Variants in FBXL22 observed in about 807,000 individuals in gnomAD.
The protein encoded by FBXL22 is F-box and leucine rich repeat protein 22, also known as F-box and leucine-rich protein 22.
A neutral mutation model predicts 11.7 loss-of-function variants in FBXL22; 13 were observed. The observed-to-expected ratio is 1.11, with a 90% CI of 0.73 to 1.77. The LOEUF is 1.77. Among genes scored for constraint, FBXL22 ranks in the 40% most tolerant of loss-of-function variants. FBXL22 has a pLI of 0.00. For synonymous variants in FBXL22, 160 were observed against 144.1 expected (o/e 1.11, Z -0.79); for missense variants, 406 against 320.4 (o/e 1.27, Z -2.04).
chr15:63,605,394 T>C (rs2067408280), downstream of FBXL22, among the ~76,000 whole-genome samples: 9 of 152,280 alleles, frequency 5.9e-5, no homozygotes, highest in South Asian at 1.9e-3. Flanking sequence ...GGTATCCTCA[T>C]ATCCTTGGGG....
At chr15:63,606,740 C>T (rs1013882060), downstream of FBXL22, among the ~76,000 whole-genome samples, 6 of 152,044 alleles carry the variant, frequency 3.9e-5, no homozygotes, top group Non-Finnish European at 7.4e-5. Context: ...TTTCTGGCAA[C>T]GAAACAGTGT....
chr15:63,601,135 T>C lies in FBXL22; in HGVS notation c.*96T>C. 1.2e-5 allele frequency: 17 copies of C among 1,363,642 alleles called. No individual in the cohort carries two copies. Among genetic ancestry groups the C allele is most frequent in the Non-Finnish European group, 1.6e-5 (17 of 1,062,174 alleles). The allele number at this position is 1,363,642 out of a possible 1,614,324, so 84.5% of individuals were successfully genotyped here. ...CCACCTTCAGACCACCACCGCATATTCTGAGCCTCATTTTCCCCGTCTGCA... is the reference window on the plus strand; with the variant it reads ...CCACCTTCAGACCACCACCGCATATCCTGAGCCTCATTTTCCCCGTCTGCA... On this transcript the variant is annotated 3_prime_UTR_variant, in exon 2 of 2. Transcript: ENST00000638704.
chr15:63,598,878 G>A (rs1457776477), intron 1 of FBXL22, among the ~76,000 whole-genome samples: 1 of 152,192 alleles, frequency 6.6e-6, no homozygotes, highest in Non-Finnish European at 1.5e-5. Flanking sequence ...TTGGGGGGAG[G>A]CGAATGGCAC....
chr15:63,606,443 AAACAACTGCC>A (rs762862775), downstream of FBXL22, among the ~76,000 whole-genome samples: 16 of 152,240 alleles, frequency 1.1e-4, no homozygotes, highest in Non-Finnish European at 1.8e-4. Flanking sequence ...TGAGGCCAGC[AAACAACTGCC>A]TAAGCCTCTC....
chr15:63,599,155 G>A (rs1271578109), intron 1 of FBXL22: 17 of 1,487,816 alleles, frequency 1.1e-5, no homozygotes, highest in Admixed American at 2.0e-5. Context: ...ATCCAACAGG[G>A]TAAGAGGATT....
intron 1 of FBXL22, among the ~76,000 whole-genome samples, chr15:63,598,581 G>C (rs1403123777): frequency 6.6e-6 from 1 of 152,184 alleles, no homozygotes; most frequent in African/African-American, 2.4e-5. Context: ...GCTTCTGCCA[G>C]TCCCGTGCTG....
chr15:63,601,480 G>A (rs1566930107), downstream of FBXL22: 15 of 1,554,762 alleles, frequency 9.6e-6, no homozygotes, highest in Non-Finnish European at 1.2e-5. Flanking sequence ...CCTCCGGGCG[G>A]AGCGACCCAG....
downstream of FBXL22, among the ~76,000 whole-genome samples, chr15:63,604,156 G>T (rs1373605455): frequency 6.6e-6 from 1 of 152,084 alleles, no homozygotes; most frequent in African/African-American, 2.4e-5. Context: ...TCACTTTCTA[G>T]CTCTGTGACC....
Position 63,600,744 on chromosome 15 carries a change from C to G in FBXL22, c.401C>G (p.Thr134Ser). The G allele has an allele frequency of 8.1e-7, 1 of 1,231,498 alleles. No homozygotes were observed. Among genetic ancestry groups the G allele is most frequent in the South Asian group, 4.1e-5 (1 of 24,320 alleles). 76.3% of individuals were successfully genotyped at this position (1,231,498 alleles called of 1,614,324 possible). Reference sequence around the variant, plus strand: ...ACGCTCTCGGGCTGCGGCCACGTTACCGACGACTGCCTGGCGCGCCTGCTG... The same window carrying G: ...ACGCTCTCGGGCTGCGGCCACGTTAGCGACGACTGCCTGGCGCGCCTGCTG... ...SVTLSGCGHV[T>S]DDCLARLLRC... The change falls in exon 2 of 2, where the codon ACC (threonine) becomes AGC (serine). Residue 134 changes from threonine to serine, a missense_variant. Physicochemically the swap from Thr to Ser is moderately conservative, Grantham distance 58. Transcript: ENST00000638704.
chr15:63,601,336 GCACCGTCCTC>G, downstream of FBXL22: 1 of 1,602,336 alleles, frequency 6.2e-7, no homozygotes, highest in South Asian at 1.1e-5. Context: ...GGAGGCGCCT[GCACCGTCCTC>G]GGGGACTCCG....
Position 63,597,608 on chromosome 15 carries a change from C to A in FBXL22, c.216C>A (p.Arg72=), listed in dbSNP as rs1356831037. 6.2e-7 allele frequency: 1 copy of A among 1,613,844 alleles called. No individual in the cohort carries two copies. The highest frequency in any genetic ancestry group is 2.2e-5 in the East Asian group (1 of 44,890). ...ACTTCCTCCTGGGCCCGGCACTCCG[C>A]AGCCTCTCCATCTGCTGGCACTCCA... ...KDNFLLGPAL[R]SLSICWHSSR... is the part of the protein sequence containing the mutation. The change falls in exon 1 of 2, where the codon CGC becomes CGA. Residue 72 remains arginine (R), a synonymous_variant. Coordinates refer to ENST00000638704, the MANE Select transcript of FBXL22 (RefSeq NM_001367807.1). This position sits in a 1 kb window ranked among gnomAD's most constrained non-coding sequence, Gnocchi z 4.3.
At chr15:63,603,825 T>C (rs1405328139), downstream of FBXL22, among the ~76,000 whole-genome samples, 1 of 152,132 alleles carries the variant, frequency 6.6e-6, no homozygotes, top group African/African-American at 2.4e-5. Flanking sequence ...GGCAGGACTC[T>C]GCTACTAGCC....
Position 63,597,844 on chromosome 15 carries a change from C to T in FBXL22, c.353+99C>T. On this transcript the variant is annotated intron_variant, in intron 1 of 1. Coordinates refer to ENST00000638704, the MANE Select transcript of FBXL22 (RefSeq NM_001367807.1). This position sits in a 1 kb window ranked among gnomAD's most constrained non-coding sequence, Gnocchi z 4.3. The stretch of plus-strand genomic sequence containing the variant: ...AAATTACGAGACCAAGATGGCTCCA[C>T]CTTCGGGGCGCCTCAAACTAGGCCC... 1 of 1,188,518 alleles carries T rather than the reference C, an allele frequency of 8.4e-7. No individual in the cohort carries two copies. Among genetic ancestry groups the T allele is most frequent in the Non-Finnish European group, 1.2e-6 (1 of 868,774 alleles). The allele number at this position is 1,188,518 out of a possible 1,614,324, so 73.6% of individuals were successfully genotyped here. A position where few individuals can be genotyped will look rare whatever the true frequency, so the allele number is the denominator to read the frequency against.
Position 63,597,769 on chromosome 15 carries a change from A to T in FBXL22, c.353+24A>T. The T allele has an allele frequency of 1.9e-6, 3 of 1,542,806 alleles. No individual in the cohort carries two copies. In the South Asian group the frequency reaches 3.6e-5, roughly 19 times the overall value. ...AGGTAGGCCACCTTGCCTCCTGAGC[A>T]GTGCTGGCCCCGCTAGCTCTGGCTT... On this transcript the variant is annotated intron_variant, in intron 1 of 1. Transcript: ENST00000638704. The surrounding 1 kb of genome is among the most constrained non-coding windows in gnomAD (Gnocchi z 4.3).
At chr15:63,606,200 C>T (rs577294748), downstream of FBXL22, among the ~76,000 whole-genome samples, 1 of 152,318 alleles carries the variant, frequency 6.6e-6, no homozygotes, top group African/African-American at 2.4e-5. Flanking sequence ...GAGACTTTCC[C>T]TCCAGCTCTA....
At chr15:63,602,585 CAAAA>C (rs35457809), downstream of FBXL22, among the ~76,000 whole-genome samples, 378 of 74,572 alleles carry the variant, frequency 5.1e-3, 1 homozygote, top group African/African-American at 7.6e-3. Flanking sequence ...ACTCTTGTCT[CAAAA>C]AAAAAAAAAA....
intron 1 of FBXL22, chr15:63,600,301 A>G (rs2067346386): frequency 1.3e-5 from 13 of 1,010,706 alleles, no homozygotes; most frequent in Non-Finnish European, 1.5e-5. Flanking sequence ...TTGAAGCTAG[A>G]CTGGAGCAAT....
At chr15:63,604,766 A>G (rs1156754114), downstream of FBXL22, among the ~76,000 whole-genome samples, 1 of 152,234 alleles carries the variant, frequency 6.6e-6, no homozygotes, top group African/African-American at 2.4e-5. Flanking sequence ...ATTAAAAGGT[A>G]AAAAACAGCC....
downstream of FBXL22, chr15:63,601,927 T>G (rs1282050944): frequency 9.2e-6 from 5 of 545,868 alleles, no homozygotes; most frequent in African/African-American, 8.0e-5. Flanking sequence ...AGCACAAGCC[T>G]AGGCTTCCAA....
Sources: allele counts gnomAD v4.1 joint callset (sites outside exome capture counted in the v4.1 genomes callset), GRCh38; gene constraint gnomAD v4.1.1; non-coding constraint Gnocchi (gnomAD v3.1); transcripts MANE v1.5; gene names NCBI Gene and HGNC (gene_info 2026-07-23, HGNC 2026-07-21).